Variants in ATRX observed in about 807,000 individuals in gnomAD.
The protein encoded by ATRX is ATRX chromatin remodeler.
In ATRX, 12 loss-of-function variants were observed where a neutral mutation model predicts 172.6. That is an observed-to-expected ratio of 0.07 (90% CI 0.04 to 0.11). The LOEUF is 0.11. Among genes scored for constraint, ATRX ranks in the 10% least tolerant of loss-of-function variants. The pLI is 1.00. For synonymous variants in ATRX, 674 were observed against 594.7 expected, an observed-to-expected ratio of 1.13 and a Z score of -1.94; for missense variants, 1,368 against 1,767.4, an observed-to-expected ratio of 0.77 and a Z score of 4.05.
intron 34 of ATRX, among the ~76,000 whole-genome samples, chrX:77,512,195 C>G (rs1171043788): frequency 8.1e-5 from 9 of 111,316 alleles, no homozygotes; most frequent in Admixed American, 4.7e-4. Context: ...GGTGAAGGAA[C>G]AAACAAACAA....
rs781797646 is a variant in ATRX at position 77,522,000 on chromosome X, C to T, written c.6975+263G>A. On this transcript the variant is annotated intron_variant, in intron 32 of 34. Transcript: ENST00000373344. Reference sequence around the variant, plus strand: ...ACTGAAGAAGGTGCTATTTCCCAAGCGAGTCAGCAGCCCTATTGTTTCTTA... The same window carrying T: ...ACTGAAGAAGGTGCTATTTCCCAAGTGAGTCAGCAGCCCTATTGTTTCTTA... The T allele has an allele frequency of 1.2e-4, 38 of 317,815 alleles. No homozygotes were observed. In the Admixed American group the frequency reaches 1.5e-3, roughly 12 times the overall value. 26.2% of individuals were successfully genotyped at this position (317,815 alleles called of 1,213,427 possible). A position where few individuals can be genotyped will look rare whatever the true frequency, so the allele number is the denominator to read the frequency against.
At chrX:77,611,649 A>G (rs551195541) in intron 22 of ATRX, among the ~76,000 whole-genome samples, 54 of 111,320 alleles carry the variant, frequency 4.9e-4, no homozygotes, top group South Asian at 2.3e-3. Context: ...TTGAGCCCAG[A>G]AGTTCAAGAC....
Position 77,620,548 on chromosome X carries a change from G to A in ATRX, c.5135-16C>T. The A allele has an allele frequency of 8.5e-7, 1 of 1,169,662 alleles. No individual in the cohort carries two copies. Among genetic ancestry groups the A allele is most frequent in the Non-Finnish European group, 1.2e-6 (1 of 864,145 alleles). The stretch of plus-strand genomic sequence containing the variant: ...AAATCAGGGCCTACAAAAATAAACA[G>A]AAAAATAACACAATTAATATATAAT... On this transcript the variant is annotated splice_polypyrimidine_tract_variant and intron_variant, in intron 19 of 34. Transcript: ENST00000373344.
intron 1 of ATRX, among the ~76,000 whole-genome samples, chrX:77,728,289 A>C (rs1337915743): frequency 9.0e-6 from 1 of 111,567 alleles, no homozygotes; most frequent in African/African-American, 3.2e-5. Flanking sequence ...TTAATGAGCA[A>C]ATTTCTGTAA....
chrX:77,671,167 AATATATATATAT>A (rs3063061), intron 10 of ATRX, among the ~76,000 whole-genome samples: 1 of 15,735 alleles, frequency 6.4e-5, no homozygotes. Flanking sequence ...AAAAAAAAAA[AATATATATATAT>A]ATATATATAT....
intron 1 of ATRX, among the ~76,000 whole-genome samples, chrX:77,773,092 TAAAAAAAAAAAA>T (rs782649057): frequency 2.7e-5 from 1 of 37,358 alleles, no homozygotes; most frequent in Non-Finnish European, 4.2e-5. Flanking sequence ...AAATTTCAGC[TAAAAAAAAAAAA>T]AAAAAAAAAA....
At chrX:77,513,178 G>C (rs1184622753) in intron 34 of ATRX, among the ~76,000 whole-genome samples, 2 of 108,039 alleles carry the variant, frequency 1.9e-5, no homozygotes, top group African/African-American at 6.7e-5. Flanking sequence ...TTAGCTGGGC[G>C]TGGTGGCGGG....
At chrX:77,690,923 G>A (rs782039414) in intron 6 of ATRX, 2 of 111,650 alleles carry the variant, frequency 1.8e-5, no homozygotes, top group Admixed American at 1.9e-4. Context: ...ATTCACCACA[G>A]CACTAATTAG....
intron 7 of ATRX, among the ~76,000 whole-genome samples, chrX:77,686,327 C>T (rs1222395647): frequency 8.9e-6 from 1 of 111,963 alleles, no homozygotes; most frequent in Non-Finnish European, 1.9e-5. Context: ...AATATATACA[C>T]CTACCATGAA....
intron 19 of ATRX, among the ~76,000 whole-genome samples, chrX:77,622,689 A>C (rs1329542857): frequency 2.7e-5 from 3 of 111,596 alleles, no homozygotes; most frequent in Non-Finnish European, 1.9e-5. Context: ...GATGAACTAA[A>C]GCCCTTTTCT....
At chrX:77,747,924 TA>T (rs2075146919) in intron 1 of ATRX, among the ~76,000 whole-genome samples, 1 of 111,754 alleles carries the variant, frequency 8.9e-6, no homozygotes, top group South Asian at 3.7e-4. Flanking sequence ...GGAAAGCAAA[TA>T]TATATTATTA....
chrX:77,718,863 G>A (rs1407492011), intron 1 of ATRX, among the ~76,000 whole-genome samples: 1 of 111,244 alleles, frequency 9.0e-6, no homozygotes, highest in Non-Finnish European at 1.9e-5. Flanking sequence ...AAAACTCTTG[G>A]GCTAAAGCAA....
rs1049004638 is a variant in ATRX, at chrX:77,650,776, C to T, written c.4557+1338G>A. On this transcript the variant is annotated intron_variant, in intron 15 of 34. Coordinates refer to ENST00000373344, the MANE Select transcript of ATRX (RefSeq NM_000489.6). The stretch of plus-strand genomic sequence containing the variant: ...ATTTTTTTTGTATTTTTAGTAGAGA[C>T]GGGGTTTCACCATGTTGGCCAGGCT... Among the ~76,000 whole-genome samples, 4 of 110,458 alleles carry T rather than the reference C, an allele frequency of 3.6e-5. No homozygotes were observed. The Admixed American group carries it at 3.8e-4, about 11-fold the overall frequency.
intron 1 of ATRX, among the ~76,000 whole-genome samples, chrX:77,722,371 T>A (rs782014832): frequency 5.9e-4 from 63 of 107,272 alleles, no homozygotes; most frequent in Middle Eastern, 4.9e-3. Context: ...AAAAAAAAAA[T>A]ATATATATAT....
At position 77,618,981 on chromosome X, in the gene ATRX, T is replaced by A; in HGVS notation, c.5273A>T (p.Tyr1758Phe). Residue 1758 changes from tyrosine (Y) to phenylalanine (F), a missense_variant and splice_region_variant, in exon 21 of 35, where the codon TAT becomes TTT. Tyr to Phe is a conservative substitution (Grantham distance 22). Around this residue, in one of 17 missense-constraint regions of ATRX, gnomAD observed 23 missense variants for 143.8 expected, o/e 0.16. Transcript: ENST00000373344. ...CTTGATAAAATTAACCATACAATGATCTAAGAGAGAAGACATTATTCATTA... is the reference window on the plus strand; with the variant it reads ...CTTGATAAAATTAACCATACAATGAACTAAGAGAGAAGACATTATTCATTA... ...GTPLQNNLIE[Y>F]HCMVNFIKEN... The A allele has an allele frequency of 8.8e-7, 1 of 1,132,059 alleles. No individual in the cohort carries two copies. Among genetic ancestry groups the A allele is most frequent in the Non-Finnish European group, 1.2e-6 (1 of 826,520 alleles). The allele number at this position is 1,132,059 out of a possible 1,213,427, so 93.3% of individuals were successfully genotyped here.
rs1205167045 is a variant in ATRX at position 77,682,028 on chromosome X, A to T, written c.3228T>A (p.Ser1076=). 2 of 1,209,112 alleles carry T rather than the reference A, an allele frequency of 1.7e-6. No homozygotes were observed. The highest frequency in any genetic ancestry group is 3.5e-5 in the African/African-American group (2 of 57,115). The change falls in exon 9 of 35, where the codon TCT becomes TCA. Residue 1076 remains serine, a synonymous_variant. Transcript: ENST00000373344. ...KSTGKGDSCD[S]SEDKKSKNGA... ...CATTCTTACTCTTTTTATCCTCTGA[A>T]GAGTCACAACTATCTCCTTTCCCTG...
chrX:77,767,692 G>A (rs782159562), intron 1 of ATRX, among the ~76,000 whole-genome samples: 1 of 111,376 alleles, frequency 9.0e-6, no homozygotes, highest in South Asian at 3.8e-4. Context: ...CCAGTGCCCA[G>A]CCCCAACATA....
At chrX:77,655,471 A>G (rs2069497408) in intron 13 of ATRX, among the ~76,000 whole-genome samples, 1 of 111,297 alleles carries the variant, frequency 9.0e-6, no homozygotes, top group African/African-American at 3.3e-5. Flanking sequence ...GAATCAACTC[A>G]TGCAAAATAT....
chrX:77,655,639 T>G (rs1181522202), intron 13 of ATRX, among the ~76,000 whole-genome samples: 1 of 110,058 alleles, frequency 9.1e-6, no homozygotes, highest in African/African-American at 3.3e-5. Flanking sequence ...TTGCACAACT[T>G]TGCAAATATT....
Sources: allele counts gnomAD v4.1 joint callset (sites outside exome capture counted in the v4.1 genomes callset), GRCh38; gene constraint gnomAD v4.1.1; regional missense constraint gnomAD v4.1.1; transcripts MANE v1.5; gene names NCBI Gene and HGNC (gene_info 2026-07-23, HGNC 2026-07-21).